TGFBR2: variants seen among roughly 807,000 people sequenced by gnomAD.
TGFBR2 encodes TGF-beta receptor type-2.
A neutral mutation model predicts 49.0 loss-of-function variants in TGFBR2; 18 were observed. The ratio of observed to expected loss-of-function variants is 0.37; its 90% confidence interval spans 0.25 to 0.54. The LOEUF is 0.54. Ranked by LOEUF, TGFBR2 falls within the 20% of genes least tolerant of loss-of-function variation. TGFBR2 has a pLI of 0.85. For synonymous variants in TGFBR2, 282 were observed against 275.9 expected (o/e 1.02, Z -0.22); for missense variants, 525 against 722.6 (o/e 0.73, Z 3.13).
At chr3:30,614,115 CTTTTTTTTTTTT>C (rs5847643) in intron 1 of TGFBR2, among the ~76,000 whole-genome samples, 1 of 120,632 alleles carries the variant, frequency 8.3e-6, no homozygotes, top group Non-Finnish European at 1.7e-5. Flanking sequence ...TTTTTCTTTC[CTTTTTTTTTTTT>C]TTTTTTTAGA....
rs1288771489 is a variant in TGFBR2, at chr3:30,671,808, C to A, written c.625C>A (p.Leu209Ile). The A allele has an allele frequency of 2.5e-6, 4 of 1,614,208 alleles. No homozygotes were observed. Among genetic ancestry groups the A allele is most frequent in the Non-Finnish European group, 2.5e-6 (3 of 1,180,038 alleles). ...STWETGKTRK[L>I]MEFSEHCAII... is the part of the protein sequence containing the mutation. ...CTGGGAAACCGGCAAGACGCGGAAG[C>A]TCATGGAGTTCAGCGAGCACTGTGC... The change falls in exon 4 of 7, where the codon CTC (leucine) becomes ATC (isoleucine). Residue 209 changes from leucine (L) to isoleucine (I), a missense_variant. Leu to Ile is a conservative substitution (Grantham distance 5, BLOSUM62 2). This residue lies in a region of TGFBR2 where 376 missense variants were observed against 478.2 expected (regional missense o/e 0.79). Coordinates refer to ENST00000295754, the MANE Select transcript of TGFBR2 (RefSeq NM_003242.6).
intron 1 of TGFBR2, among the ~76,000 whole-genome samples, chr3:30,610,692 G>A (rs1289574077): frequency 6.6e-6 from 1 of 152,170 alleles, no homozygotes; most frequent in Non-Finnish European, 1.5e-5. Flanking sequence ...TGGAGTTATG[G>A]TGAGGATTAA....
At chr3:30,652,232 G>GTTTTTTTTTTT (rs11386584) in intron 3 of TGFBR2, among the ~76,000 whole-genome samples, 1 of 97,030 alleles carries the variant, frequency 1.0e-5, no homozygotes, top group Non-Finnish European at 1.9e-5. Context: ...TTTTCTGGTT[G>GTTTTTTTTTTT]TTTTTTTTTT....
rs150491830 is a variant in TGFBR2 at position 30,667,701 on chromosome 3, A to G, written c.455-3937A>G. Among the ~76,000 whole-genome samples the G allele has an allele frequency of 1.4e-3, 209 of 152,346 alleles. 1 individual carries two copies. Among genetic ancestry groups the G allele is most frequent in the African/African-American group, 4.8e-3 (200 of 41,580 alleles). ...GAAATTAGCAAATACGACTGTTTTT[A>G]TAGATATTTAGGAATTGTAAAATAA... On this transcript the variant is annotated intron_variant, in intron 3 of 6. Coordinates refer to ENST00000295754, the MANE Select transcript of TGFBR2 (RefSeq NM_003242.6).
rs757965154 is a variant in TGFBR2 at position 30,607,006 on chromosome 3, G to T, written c.94+29G>T. 3.2e-6 allele frequency: 5 copies of T among 1,546,290 alleles called. No individual in the cohort carries two copies. The East Asian group carries it at 1.2e-4, about 38-fold the overall frequency. Reference sequence around the variant, plus strand: ...AGTGGTCCCCAGCCCGGGCTCGGCGGGGCGCCGGGGGTCTTCCTGGGGTCC... The same window carrying T: ...AGTGGTCCCCAGCCCGGGCTCGGCGTGGCGCCGGGGGTCTTCCTGGGGTCC... On this transcript the variant is annotated intron_variant, in intron 1 of 6. Coordinates refer to ENST00000295754, the MANE Select transcript of TGFBR2 (RefSeq NM_003242.6).
At chr3:30,641,875 TC>T (rs1161281147) in intron 1 of TGFBR2, among the ~76,000 whole-genome samples, 1 of 152,010 alleles carries the variant, frequency 6.6e-6, no homozygotes, top group Non-Finnish European at 1.5e-5. Context: ...TCTTTCTCTC[TC>T]CTCCCCCTCC....
intron 3 of TGFBR2, among the ~76,000 whole-genome samples, chr3:30,662,807 C>T (rs1399389187): frequency 6.6e-6 from 1 of 152,194 alleles, no homozygotes; most frequent in Non-Finnish European, 1.5e-5. Flanking sequence ...CAAACAATTC[C>T]ACTAAGAAAT....
chr3:30,648,180 T>C (rs1698803891), intron 2 of TGFBR2, among the ~76,000 whole-genome samples: 1 of 152,152 alleles, frequency 6.6e-6, no homozygotes, highest in African/African-American at 2.4e-5. Flanking sequence ...AGAAAGCAGT[T>C]AAGGGCTTTA....
intron 1 of TGFBR2, among the ~76,000 whole-genome samples, chr3:30,622,314 T>C (rs557432676): frequency 6.6e-6 from 1 of 152,110 alleles, no homozygotes; most frequent in African/African-American, 2.4e-5. Flanking sequence ...TTTAAGAAAA[T>C]GAAATGATCA....
intron 5 of TGFBR2, among the ~76,000 whole-genome samples, chr3:30,678,404 C>T (rs935580178): frequency 2.0e-5 from 3 of 151,940 alleles, no homozygotes; most frequent in Admixed American, 6.6e-5. Flanking sequence ...AAAAATTAGC[C>T]GGGCGTGGCA....
At chr3:30,688,612 C>T in intron 6 of TGFBR2, 101 bp downstream of exon 6, 2 of 1,519,356 alleles carry the variant, frequency 1.3e-6, no homozygotes, top group Admixed American at 3.7e-5. Context: ...AGGGAAGGTC[C>T]CATTGTGTTC....
intron 5 of TGFBR2, among the ~76,000 whole-genome samples, chr3:30,678,922 G>A (rs879270867): frequency 2.6e-5 from 4 of 152,306 alleles, no homozygotes; most frequent in Admixed American, 1.3e-4. Context: ...AGGTCTAACT[G>A]AATGAAGTAG....
At chr3:30,632,998 A>T (rs1026575709) in intron 1 of TGFBR2, among the ~76,000 whole-genome samples, 10 of 152,198 alleles carry the variant, frequency 6.6e-5, no homozygotes, top group Non-Finnish European at 1.0e-4. Flanking sequence ...CACCCCTTGT[A>T]TACTTTCTTC....
chr3:30,671,799 A>G lies in TGFBR2; in HGVS notation c.616A>G (p.Thr206Ala), dbSNP rs1295365314. 1 of 1,614,208 alleles carries G rather than the reference A, an allele frequency of 6.2e-7. No individual in the cohort carries two copies. The highest frequency in any genetic ancestry group is 8.5e-7 in the Non-Finnish European group (1 of 1,180,034). The part of the protein sequence containing the change: ...KLSSTWETGK[T>A]RKLMEFSEHC... ...GAGTTCAACCTGGGAAACCGGCAAG[A>G]CGCGGAAGCTCATGGAGTTCAGCGA... is the stretch of plus-strand genomic sequence containing the variant. Residue 206 changes from threonine (T) to alanine (A), a missense_variant, in exon 4 of 7, where the codon ACG becomes GCG. Physicochemically the swap from Thr to Ala is moderately conservative, Grantham distance 58. Coordinates refer to ENST00000295754, the MANE Select transcript of TGFBR2 (RefSeq NM_003242.6).
chr3:30,647,073 C>T (rs1456406390), intron 2 of TGFBR2, among the ~76,000 whole-genome samples: 1 of 152,076 alleles, frequency 6.6e-6, no homozygotes, highest in African/African-American at 2.4e-5. Context: ...CGCTATAGTG[C>T]CCTCCTTGAT....
rs761275220 is a variant in TGFBR2 at position 30,691,591 on chromosome 3, A to G, written c.1696A>G (p.Thr566Ala). Residue 566 changes from threonine (T) to alanine (A), a missense_variant, in exon 7 of 7, where the codon ACC becomes GCC. Around this residue, in one of 3 missense-constraint regions of TGFBR2, gnomAD observed 104 missense variants for 133.4 expected, o/e 0.78. Coordinates refer to ENST00000295754, the MANE Select transcript of TGFBR2 (RefSeq NM_003242.6). Reference sequence around the variant, plus strand: ...TCCTGAAGACGGCTCCCTAAACACTACCAAATAGCTCTTCTGGGGCAGGCT... The same window carrying G: ...TCCTGAAGACGGCTCCCTAAACACTGCCAAATAGCTCTTCTGGGGCAGGCT... ...KIPEDGSLNT[T>A]K is the part of the protein sequence containing the mutation. The G allele has an allele frequency of 1.2e-6, 2 of 1,613,894 alleles. No homozygotes were observed. Among genetic ancestry groups the G allele is most frequent in the South Asian group, 2.2e-5 (2 of 91,062 alleles).
intron 1 of TGFBR2, among the ~76,000 whole-genome samples, 192 bp from the exon 2 acceptor site, chr3:30,644,555 G>A (rs774711366): frequency 7.9e-5 from 12 of 151,914 alleles, no homozygotes; most frequent in Admixed American, 6.6e-4. Flanking sequence ...CCCTCACCAC[G>A]GTACAATGGA....
chr3:30,631,811 GA>G (rs1698443201), intron 1 of TGFBR2, among the ~76,000 whole-genome samples: 1 of 152,008 alleles, frequency 6.6e-6, no homozygotes, highest in Non-Finnish European at 1.5e-5. Context: ...ACTGGTTGGA[GA>G]ACAGGCACAG....
In TGFBR2 at chr3:30,687,929, C is replaced by T. The variant is rs187661867; in HGVS notation, c.1397-455C>T. On this transcript the variant is annotated intron_variant, in intron 5 of 6. Transcript: ENST00000295754. ...TGCCAGAGTTTCATTCCTTTTTATG[C>T]CTCAATACCTACATGAAATTTAATA... is the stretch of plus-strand genomic sequence containing the variant. 2.6e-3 allele frequency among the ~76,000 whole-genome samples: 393 copies of T among 152,274 alleles called. 3 individuals are homozygous for T. The highest frequency in any genetic ancestry group is 9.0e-3 in the African/African-American group (375 of 41,560).
Sources: allele counts gnomAD v4.1 joint callset (sites outside exome capture counted in the v4.1 genomes callset), GRCh38; gene constraint gnomAD v4.1.1; regional missense constraint gnomAD v4.1.1; transcripts MANE v1.5; gene names NCBI Gene and HGNC (gene_info 2026-07-23, HGNC 2026-07-21).